The following EPHA7 variants were observed in gnomAD, a reference collection of about 807,000 sequenced individuals.
EPHA7 encodes the protein ephrin type-A receptor 7.
EPHA7 carries 25 observed loss-of-function variants against 112.6 expected under a neutral mutation model. The observed-to-expected ratio is 0.22, with a 90% CI of 0.16 to 0.31. EPHA7 has a LOEUF of 0.31. Among genes scored for constraint, EPHA7 ranks in the 10% least tolerant of loss-of-function variants. The probability of loss-of-function intolerance (pLI) is 1.00; values close to 1 mark genes in which losing one functional copy is unlikely to be tolerated. For missense variants in EPHA7, 962 were observed against 1,212.6 expected, an observed-to-expected ratio of 0.79 and a Z score of 3.07; for synonymous variants, 437 against 406.5, an observed-to-expected ratio of 1.07 and a Z score of -0.90.
chr6:93,242,710 T>A lies in EPHA7; in HGVS notation c.*716A>T. ...ATTGAAAAGATAGTGTGTTGTCTGATCTTTACAAAAAAATTCTTTTTAAAA... is the reference window on the plus strand; with the variant it reads ...ATTGAAAAGATAGTGTGTTGTCTGAACTTTACAAAAAAATTCTTTTTAAAA... On this transcript the variant is annotated 3_prime_UTR_variant, in exon 17 of 17. Transcript: ENST00000369303. The A allele has an allele frequency of 4.6e-6, 1 of 219,074 alleles. No individual in the cohort carries two copies. Among genetic ancestry groups the A allele is most frequent in the East Asian group, 6.8e-5 (1 of 14,754 alleles). The allele number at this position is 219,074 out of a possible 1,614,324, so 13.6% of individuals were successfully genotyped here. A position where few individuals can be genotyped will look rare whatever the true frequency, so the allele number is the denominator to read the frequency against.
chr6:93,305,022 G>T (rs2127855095), intron 5 of EPHA7, among the ~76,000 whole-genome samples: 1 of 151,956 alleles, frequency 6.6e-6, no homozygotes, highest in East Asian at 1.9e-4. Context: ...ATACAATGTA[G>T]ATTATTAATT....
chr6:93,396,904 G>A (rs1778200625), intron 3 of EPHA7, among the ~76,000 whole-genome samples: 1 of 151,630 alleles, frequency 6.6e-6, no homozygotes, highest in Non-Finnish European at 1.5e-5. Flanking sequence ...TTGTTAGACT[G>A]TAGAGAAAAA....
intron 5 of EPHA7, among the ~76,000 whole-genome samples, chr6:93,339,861 A>T (rs1775058213): frequency 6.6e-6 from 1 of 151,768 alleles, no homozygotes; most frequent in Non-Finnish European, 1.5e-5. Context: ...ATCATTCCTA[A>T]ATACTAAACT....
intron 3 of EPHA7, among the ~76,000 whole-genome samples, chr6:93,365,324 C>T (rs766935261): frequency 3.9e-5 from 6 of 152,096 alleles, no homozygotes; most frequent in South Asian, 2.1e-4. Flanking sequence ...TACATACAAA[C>T]GTAGTTAAGA....
chr6:93,277,489 TA>T (rs887128907), intron 5 of EPHA7, among the ~76,000 whole-genome samples: 1 of 151,848 alleles, frequency 6.6e-6, no homozygotes, highest in Non-Finnish European at 1.5e-5. Context: ...CAATTTTAGC[TA>T]AAAAAATAAG....
In EPHA7 at chr6:93,403,888, T is replaced by A. The variant is rs1582677508; in HGVS notation, c.832+6613A>T. The stretch of plus-strand genomic sequence containing the variant: ...CTAGGGAAGCCTCTTCAAGAATGCA[T>A]ATAATTAAAGTATAATAGAAAATTG... On this transcript the variant is annotated intron_variant, in intron 3 of 16. Transcript: ENST00000369303. Among the ~76,000 whole-genome samples, 4 of 152,208 alleles carry A rather than the reference T, an allele frequency of 2.6e-5. 1 individual carries two copies. The highest frequency in any genetic ancestry group is 2.6e-4 in the Admixed American group (4 of 15,284).
At chr6:93,288,915 T>A (rs763452694) in intron 5 of EPHA7, among the ~76,000 whole-genome samples, 2 of 152,200 alleles carry the variant, frequency 1.3e-5, no homozygotes, top group African/African-American at 2.4e-5. Context: ...CTATTTGTTT[T>A]CCCCACTAGA....
At chr6:93,347,853 A>G (rs1775479098) in intron 5 of EPHA7, among the ~76,000 whole-genome samples, 1 of 151,856 alleles carries the variant, frequency 6.6e-6, no homozygotes, top group Non-Finnish European at 1.5e-5. Context: ...CCATCACAGC[A>G]GTAGAATAAC....
chr6:93,371,376 G>C (rs1163939000), intron 3 of EPHA7, among the ~76,000 whole-genome samples: 1 of 152,112 alleles, frequency 6.6e-6, no homozygotes, highest in African/African-American at 2.4e-5. Context: ...GTAATCTAGA[G>C]ATTATTTAAA....
At chr6:93,323,438 A>G (rs1774173576) in intron 5 of EPHA7, among the ~76,000 whole-genome samples, 1 of 151,534 alleles carries the variant, frequency 6.6e-6, no homozygotes, top group African/African-American at 2.4e-5. Flanking sequence ...AACCAAAATA[A>G]TGATACCAAA....
At chr6:93,258,025 T>G in intron 11 of EPHA7, 74 bp downstream of exon 11, 7 of 1,363,668 alleles carry the variant, frequency 5.1e-6, no homozygotes, top group Non-Finnish European at 7.1e-6. Context: ...ATAATTTGTT[T>G]TATTGTGTAC....
At chr6:93,333,354 G>T (rs1774700012) in intron 5 of EPHA7, among the ~76,000 whole-genome samples, 2 of 151,782 alleles carry the variant, frequency 1.3e-5, no homozygotes, top group Admixed American at 1.3e-4. Context: ...ACATACGCAT[G>T]CATGTCTCTT....
chr6:93,390,545 T>C (rs1777851872), intron 3 of EPHA7, among the ~76,000 whole-genome samples: 1 of 150,346 alleles, frequency 6.7e-6, no homozygotes, highest in African/African-American at 2.4e-5. Flanking sequence ...GCCTGTAACT[T>C]ACTTTCAAAT....
intron 7 of EPHA7, among the ~76,000 whole-genome samples, chr6:93,265,411 A>G (rs911141479): frequency 2.0e-5 from 3 of 151,686 alleles, no homozygotes; most frequent in Admixed American, 6.6e-5. Context: ...TAATTCTTCT[A>G]TGCTCATTAA....
At chr6:93,256,131 A>C in intron 12 of EPHA7, 94 bp from the exon 13 acceptor site, 3 of 1,105,446 alleles carry the variant, frequency 2.7e-6, no homozygotes, top group Non-Finnish European at 4.0e-6. Flanking sequence ...GCAATTTGCT[A>C]TTGTATAATA....
intron 2 of EPHA7, among the ~76,000 whole-genome samples, chr6:93,413,624 T>C (rs992768358): frequency 6.6e-6 from 1 of 151,922 alleles, no homozygotes; most frequent in East Asian, 1.9e-4. Flanking sequence ...ATTTAATCTG[T>C]AAAATGGTTG....
intron 3 of EPHA7, chr6:93,409,924 A>AC (rs983297083): frequency 4.7e-5 from 7 of 149,718 alleles, no homozygotes; most frequent in Non-Finnish European, 8.9e-5. Flanking sequence ...AAAAAAAAAA[A>AC]ACACACACCT....
chr6:93,302,180 AT>A (rs1054454248), intron 5 of EPHA7, among the ~76,000 whole-genome samples: 3 of 152,060 alleles, frequency 2.0e-5, no homozygotes, highest in Non-Finnish European at 4.4e-5. Flanking sequence ...ATGTCAACTG[AT>A]TATGTGACTT....
At chr6:93,247,665 C>T (rs1314812649) in intron 14 of EPHA7, among the ~76,000 whole-genome samples, 2 of 148,200 alleles carry the variant, frequency 1.3e-5, no homozygotes, top group Non-Finnish European at 2.9e-5. Flanking sequence ...TCAGGGCTTT[C>T]CCAGAGAGCT....
Sources: gnomAD v4.1 joint callset for allele counts (sites outside exome capture counted in the v4.1 genomes callset) on GRCh38, gnomAD v4.1.1 for gene constraint, MANE v1.5 for transcripts, NCBI Gene and HGNC (gene_info 2026-07-23, HGNC 2026-07-21) for gene names.